The following HGFAC variants were observed in gnomAD, a reference collection of about 807,000 sequenced individuals.
HGFAC encodes HGF activator, also known as hepatocyte growth factor activator serine protease.
Under a neutral mutation model 70.6 loss-of-function variants are expected in HGFAC, and 76 were observed. The observed-to-expected ratio is 1.08, with a 90% confidence interval of 0.89 to 1.30. The LOEUF is 1.30. Ranked by LOEUF, HGFAC falls within the 50% of genes most tolerant of loss-of-function variation. The probability of loss-of-function intolerance (pLI) is 0.00; values close to 1 mark genes in which losing one functional copy is unlikely to be tolerated. For missense variants in HGFAC, 1,044 were observed against 933.7 expected, an observed-to-expected ratio of 1.12 and a Z score of -1.54; for synonymous variants, 464 against 405.3, an observed-to-expected ratio of 1.14 and a Z score of -1.74.
Position 3,447,893 on chromosome 4 carries a change from A to G in HGFAC, c.1496-2A>G. 1.2e-6 allele frequency: 2 copies of G among 1,611,000 alleles called. No individual in the cohort carries two copies. On this transcript the variant is annotated splice_acceptor_variant, in intron 11 of 13. Coordinates refer to ENST00000382774, the MANE Select transcript of HGFAC (RefSeq NM_001528.4). LOFTEE classifies it high-confidence loss of function. ...GCTGACCCTGGCCACTCTTCTGATCAGTCCTGATCCGGCTGAAGAAGAAAG... is the reference window on the plus strand; with the variant it reads ...GCTGACCCTGGCCACTCTTCTGATCGGTCCTGATCCGGCTGAAGAAGAAAG...
chr4:3,443,277 G>T, intron 3 of HGFAC, 64 bp from the exon 4 acceptor site: 1 of 1,419,848 alleles, frequency 7.0e-7, no homozygotes, highest in Non-Finnish European at 9.6e-7. Flanking sequence ...GACCCTCCAG[G>T]GTGGTGGGGT....
rs778639903 is a variant in HGFAC, at chr4:3,447,895, T to C, written c.1496T>C (p.Val499Ala). The change falls in exon 12 of 14, where the codon GTC (valine) becomes GCC (alanine). Residue 499 changes from valine (V) to alanine (A), a missense_variant and splice_region_variant. Coordinates refer to ENST00000382774, the MANE Select transcript of HGFAC (RefSeq NM_001528.4). ...TGACCCTGGCCACTCTTCTGATCAG[T>C]CCTGATCCGGCTGAAGAAGAAAGGG... ...SVFNPSDHDL[V>A]LIRLKKKGDR... 6.2e-7 allele frequency: 1 copy of C among 1,611,464 alleles called. No homozygotes were observed. Among genetic ancestry groups the C allele is most frequent in the South Asian group, 1.1e-5 (1 of 90,794 alleles).
In HGFAC at chr4:3,443,291, G is replaced by A. The variant is rs1217420497; in HGVS notation, c.396-50G>A. ...AGACCCTCCAGGGTGGTGGGGTGGG[G>A]TGGGGGGCCTCTGCCTGGGACCCCC... On this transcript the variant is annotated intron_variant, in intron 3 of 13. Transcript: ENST00000382774. 3 of 1,469,018 alleles carry A rather than the reference G, an allele frequency of 2.0e-6. No homozygotes were observed. In the Admixed American group the frequency reaches 6.2e-5, roughly 30 times the overall value. The allele number at this position is 1,469,018 out of a possible 1,614,324, so 91.0% of individuals were successfully genotyped here.
In HGFAC at chr4:3,442,043, G is replaced by A. The variant is rs773934114; in HGVS notation, c.42G>A (p.Pro14=). 55 of 1,529,764 alleles carry A rather than the reference G, an allele frequency of 3.6e-5. No homozygotes were observed. Among genetic ancestry groups the A allele is most frequent in the Admixed American group, 1.6e-4 (7 of 43,460 alleles). The allele number at this position is 1,529,764 out of a possible 1,614,324, so 94.8% of individuals were successfully genotyped here. ...WAWVPSPWPP[P]GLGPFLLLLL... Reference sequence around the variant, plus strand: ...GGGTCCCCAGCCCCTGGCCCCCACCGGGGCTGGGCCCCTTCCTCCTCCTCC... The same window carrying A: ...GGGTCCCCAGCCCCTGGCCCCCACCAGGGCTGGGCCCCTTCCTCCTCCTCC... The change falls in exon 1 of 14, where the codon CCG becomes CCA. Residue 14 remains proline (P), a synonymous_variant. Coordinates refer to ENST00000382774, the MANE Select transcript of HGFAC (RefSeq NM_001528.4).
intron 1 of HGFAC, 77 bp downstream of exon 1, chr4:3,442,195 A>T: frequency 8.9e-7 from 1 of 1,129,262 alleles, no homozygotes; most frequent in Non-Finnish European, 1.3e-6. Context: ...GGCCAGAGGG[A>T]GGGTCGCCAC....
rs1047774521 is a variant in HGFAC, at chr4:3,443,231, G to A, written c.395+85G>A. ...TCTGGGAGCCGGGCACACAGTAGGC[G>A]CTCACCACGCAGCAGGCGGACCCAG... On this transcript the variant is annotated intron_variant, in intron 3 of 13. Coordinates refer to ENST00000382774, the MANE Select transcript of HGFAC (RefSeq NM_001528.4). 5.0e-4 allele frequency: 663 copies of A among 1,313,958 alleles called. 1 individual carries two copies. The highest frequency in any genetic ancestry group is 6.2e-4 in the Non-Finnish European group (603 of 966,032). 81.4% of individuals were successfully genotyped at this position (1,313,958 alleles called of 1,614,324 possible).
In HGFAC at chr4:3,443,087, C is replaced by A; in HGVS notation, c.336C>A (p.Phe112Leu). 1 of 1,599,080 alleles carries A rather than the reference C, an allele frequency of 6.3e-7. No individual in the cohort carries two copies. The highest frequency in any genetic ancestry group is 8.5e-7 in the Non-Finnish European group (1 of 1,178,364). The change falls in exon 3 of 14, where the codon TTC becomes TTA. Residue 112 changes from phenylalanine to leucine, a missense_variant. Phe to Leu is a conservative substitution (Grantham distance 22). Transcript: ENST00000382774. ...ACGGGAGGCCCTGCAGGTTCCCCTT[C>A]CGCTACGGGGGCCGCATGCTGCATG... ...TEDGRPCRFP[F>L]RYGGRMLHAC...
At chr4:3,447,102 G>C (rs533767614) in intron 10 of HGFAC, among the ~76,000 whole-genome samples, 1 of 152,328 alleles carries the variant, frequency 6.6e-6, no homozygotes, top group East Asian at 1.9e-4. Flanking sequence ...GCAGGAGTGA[G>C]GGCTGCATCT....
At chr4:3,444,517 C>T in intron 6 of HGFAC, 75 bp downstream of exon 6, 1 of 1,512,558 alleles carries the variant, frequency 6.6e-7, no homozygotes, top group Non-Finnish European at 8.9e-7. Context: ...GGAGGAATGG[C>T]CTGAGGTCAC....
At chr4:3,449,043 C>T (rs953005953) in intron 13 of HGFAC, among the ~76,000 whole-genome samples, 194 bp from the exon 14 acceptor site, 9 of 152,224 alleles carry the variant, frequency 5.9e-5, no homozygotes, top group East Asian at 1.9e-4. Flanking sequence ...AGGGGAATAA[C>T]GTGGTTGGAT....
intron 5 of HGFAC, 39 bp downstream of exon 5, chr4:3,444,200 C>A: frequency 6.3e-7 from 1 of 1,575,232 alleles, no homozygotes; most frequent in South Asian, 1.1e-5. Flanking sequence ...GTCCAGGGGC[C>A]GGAGCAAGTC....
intron 10 of HGFAC, among the ~76,000 whole-genome samples, 171 bp downstream of exon 10, chr4:3,446,465 T>G (rs1279413133): frequency 5.3e-5 from 8 of 152,116 alleles, no homozygotes; most frequent in Non-Finnish European, 1.2e-4. Flanking sequence ...GGCTCAGTCC[T>G]GAGCTGGGCA....
At position 3,446,863 on chromosome 4, in the gene HGFAC, C is replaced by T. The variant is rs868695160; in HGVS notation, c.1355+569C>T. ...GATTAGGGGCAGGGGTCCGGCCAGC[C>T]GAGGGTCTGGCGGCCTTTCGAGGAC... On this transcript the variant is annotated intron_variant, in intron 10 of 13. Transcript: ENST00000382774. Among the ~76,000 whole-genome samples the T allele has an allele frequency of 5.3e-5, 8 of 152,258 alleles. No individual in the cohort carries two copies. The South Asian group carries it at 6.3e-4, about 12-fold the overall frequency.
Position 3,447,992 on chromosome 4 carries a change from A to G in HGFAC, c.1593A>G (p.Ala531=), listed in dbSNP as rs1233742854. The change falls in exon 12 of 14, where the codon GCA becomes GCG. Residue 531 remains alanine, a synonymous_variant. Transcript: ENST00000382774. ...CCGAGCCCGGCAGCACCTTCCCCGC[A>G]GGACACAAGTGCCAGATTGCGGGCT... is the stretch of plus-strand genomic sequence containing the variant. ...CLPEPGSTFP[A]GHKCQIAGWG... 3.2e-6 allele frequency: 5 copies of G among 1,577,570 alleles called. No homozygotes were observed. The highest frequency in any genetic ancestry group is 1.7e-4 in the Middle Eastern group (1 of 5,926).
chr4:3,448,284 G>A lies in HGFAC; in HGVS notation c.1785+8G>A, dbSNP rs746203700. The A allele has an allele frequency of 3.1e-6, 5 of 1,603,976 alleles. No homozygotes were observed. The East Asian group carries it at 1.1e-4, about 36-fold the overall frequency. On this transcript the variant is annotated splice_region_variant and intron_variant, in intron 13 of 13. Coordinates refer to ENST00000382774, the MANE Select transcript of HGFAC (RefSeq NM_001528.4). ...AAGTCCGACGCCTGCCAGGTGAGCT[G>A]GTGCCCGCCCCACCAGGACCCGACT...
In HGFAC at chr4:3,446,139, G is replaced by A. The variant is rs766761007; in HGVS notation, c.1200G>A (p.Lys400=). 1.8e-5 allele frequency: 29 copies of A among 1,611,836 alleles called. No individual in the cohort carries two copies. The highest frequency in any genetic ancestry group is 2.4e-5 in the Non-Finnish European group (28 of 1,179,652). The change falls in exon 10 of 14, where the codon AAG becomes AAA. Residue 400 remains lysine, a synonymous_variant. Coordinates refer to ENST00000382774, the MANE Select transcript of HGFAC (RefSeq NM_001528.4). ...AGGCCTGCGGCAGGAGGCACAAGAA[G>A]AGGACGTTCCTGCGGCCACGTATCA... The part of the protein sequence containing the change: ...GRQACGRRHK[K]RTFLRPRIIG...
rs967538973 is a variant in HGFAC at position 3,447,799 on chromosome 4, T to G, written c.1496-96T>G. On this transcript the variant is annotated intron_variant, in intron 11 of 13. Coordinates refer to ENST00000382774, the MANE Select transcript of HGFAC (RefSeq NM_001528.4). The stretch of plus-strand genomic sequence containing the variant: ...CTTCTGGATCTCCCAGGCTGCCCTG[T>G]GGACCCCACTGGCTACCCTCCCTCC... The G allele has an allele frequency of 1.5e-4, 233 of 1,547,606 alleles. 2 individuals are homozygous for G. Among genetic ancestry groups the G allele is most frequent in the Middle Eastern group, 1.5e-3 (8 of 5,426 alleles).
chr4:3,447,038 C>T lies in HGFAC; in HGVS notation c.1356-454C>T, dbSNP rs184940493. On this transcript the variant is annotated intron_variant, in intron 10 of 13. Coordinates refer to ENST00000382774, the MANE Select transcript of HGFAC (RefSeq NM_001528.4). ...GGCAGGAGGCCGAGGCAGGGTGGAG[C>T]GACCTCCACACAGCAGATGGGAGCC... is the stretch of plus-strand genomic sequence containing the variant. Among the ~76,000 whole-genome samples the T allele has an allele frequency of 2.8e-4, 42 of 152,308 alleles. No homozygotes were observed. The East Asian group carries it at 4.1e-3, about 15-fold the overall frequency.
Position 3,449,332 on chromosome 4 carries a change from G to T in HGFAC, c.1881G>T (p.Lys627Asn), listed in dbSNP as rs1725651210. The change falls in exon 14 of 14, where the codon AAG becomes AAT. Residue 627 changes from lysine (K) to asparagine (N), a missense_variant. Physicochemically the swap from Lys to Asn is moderately conservative, Grantham distance 94. Transcript: ENST00000382774. ...GTGACGGCTGCGGGCGGCTCCACAA[G>T]CCGGGGGTCTACACCCGCGTGGCCA... Reference protein sequence around the residue: ...SWGDGCGRLHKPGVYTRVANY... With the variant: ...SWGDGCGRLHNPGVYTRVANY... 1 of 1,611,894 alleles carries T rather than the reference G, an allele frequency of 6.2e-7. No homozygotes were observed. Among genetic ancestry groups the T allele is most frequent in the African/African-American group, 1.3e-5 (1 of 74,876 alleles).
Sources: allele counts gnomAD v4.1 joint callset (sites outside exome capture counted in the v4.1 genomes callset), GRCh38; gene constraint gnomAD v4.1.1; transcripts MANE v1.5; gene names NCBI Gene and HGNC (gene_info 2026-07-23, HGNC 2026-07-21).